ADARB2: variants seen among roughly 807,000 people sequenced by gnomAD.
ADARB2 encodes inactive double-stranded RNA-specific editase B2.
A neutral mutation model predicts 62.2 loss-of-function variants in ADARB2; 25 were observed. The ratio of observed to expected loss-of-function variants is 0.40; its 90% CI spans 0.29 to 0.56. The LOEUF (loss-of-function observed/expected upper bound fraction) is 0.56, where lower values mean the gene tolerates loss of function less well. Ranked by LOEUF, ADARB2 falls within the 20% of genes least tolerant of loss-of-function variation. The pLI is 0.43. For missense variants in ADARB2, 1,071 were observed against 1,077.4 expected (o/e 0.99, Z 0.08); for synonymous variants, 572 against 500.8 (o/e 1.14, Z -1.90).
chr10:1,204,557 G>A (rs931696242), intron 7 of ADARB2, among the ~76,000 whole-genome samples: 4 of 152,248 alleles, frequency 2.6e-5, no homozygotes, highest in Admixed American at 1.3e-4. Context: ...AGGGCCAGGA[G>A]GCCACAGCTG....
chr10:1,199,749 C>G (rs1321517111), intron 8 of ADARB2: 2 of 492,104 alleles, frequency 4.1e-6, no homozygotes, highest in East Asian at 3.3e-5. Flanking sequence ...ATCACACAAT[C>G]ACGAATTCAC....
intron 1 of ADARB2, among the ~76,000 whole-genome samples, chr10:1,414,867 G>C (rs187511852): frequency 9.8e-5 from 15 of 152,360 alleles, no homozygotes; most frequent in African/African-American, 3.4e-4. Context: ...ATGGGGGCTG[G>C]ATGAGTGGCT....
At chr10:1,213,117 G>C (rs949630398) in intron 7 of ADARB2, among the ~76,000 whole-genome samples, 2 of 152,130 alleles carry the variant, frequency 1.3e-5, no homozygotes, top group Admixed American at 1.3e-4. Flanking sequence ...CACACAGCCA[G>C]GGAGGAGGAT....
intron 1 of ADARB2, among the ~76,000 whole-genome samples, chr10:1,579,915 C>CGCTCACCT (rs1389072765): frequency 6.6e-6 from 1 of 152,154 alleles, no homozygotes; most frequent in African/African-American, 2.4e-5. Flanking sequence ...CTCTAGCAGC[C>CGCTCACCT]GCTCACCTTT....
chr10:1,241,461 C>T (rs373462530), intron 5 of ADARB2, among the ~76,000 whole-genome samples: 1 of 152,184 alleles, frequency 6.6e-6, no homozygotes, highest in African/African-American at 2.4e-5. Context: ...GAGTAGACAG[C>T]AGACACAGGA....
At chr10:1,206,456 C>T (rs1837067731) in intron 7 of ADARB2, among the ~76,000 whole-genome samples, 1 of 150,446 alleles carries the variant, frequency 6.6e-6, no homozygotes, top group African/African-American at 2.4e-5. Context: ...GGCGTCTCCT[C>T]CTCGTGCCTG....
chr10:1,488,626 A>T (rs923119749), intron 1 of ADARB2, among the ~76,000 whole-genome samples: 4 of 152,184 alleles, frequency 2.6e-5, no homozygotes, highest in Non-Finnish European at 5.9e-5. Context: ...GAAATAGCCT[A>T]ACACTGGGGA....
intron 1 of ADARB2, among the ~76,000 whole-genome samples, chr10:1,468,672 C>T (rs544272027): frequency 6.6e-6 from 1 of 152,196 alleles, no homozygotes; most frequent in African/African-American, 2.4e-5. Context: ...CAAGCAGCAG[C>T]GCTGTCCAAC....
chr10:1,369,145 G>C (rs10794744), intron 2 of ADARB2, among the ~76,000 whole-genome samples: 126,342 of 152,144 alleles, frequency 0.83, 56,551 homozygotes, highest in Non-Finnish European at 0.98. Context: ...AAATGTGTTA[G>C]ACTCCCCTCC....
intron 1 of ADARB2, among the ~76,000 whole-genome samples, chr10:1,420,611 GGAAA>G (rs796616109): frequency 9.1e-5 from 11 of 121,134 alleles, no homozygotes; most frequent in Admixed American, 2.5e-4. Context: ...CCAGAAAGAG[GGAAA>G]AAAAAAAAAA....
chr10:1,654,472 C>T (rs1834150621), intron 1 of ADARB2, among the ~76,000 whole-genome samples: 1 of 152,300 alleles, frequency 6.6e-6, no homozygotes, highest in Admixed American at 6.5e-5. Flanking sequence ...CTGAAATCCC[C>T]TTCCGGCGTG....
In ADARB2 at chr10:1,183,361, T is replaced by A. The variant is rs2131732750; in HGVS notation, c.2052A>T (p.Thr684=). The part of the protein sequence containing the change: ...RWARLYGRLS[T]RTPSPGDTPS... ...GCGTGTCTCCAGGGCTGGGTGTCCG[T>A]GTGCTCAGCTGCGGACAAGAAGGAG... Residue 684 remains threonine, a synonymous_variant, in exon 10 of 10, where the codon ACA becomes ACT. Coordinates refer to ENST00000381312, the MANE Select transcript of ADARB2 (RefSeq NM_018702.4). 2 of 1,610,388 alleles carry A rather than the reference T, an allele frequency of 1.2e-6. No individual in the cohort carries two copies. The highest frequency in any genetic ancestry group is 1.7e-6 in the Non-Finnish European group (2 of 1,176,884).
intron 1 of ADARB2, among the ~76,000 whole-genome samples, chr10:1,577,010 A>C (rs1458052921): frequency 2.0e-5 from 3 of 152,264 alleles, no homozygotes; most frequent in South Asian, 2.1e-4. Context: ...CAGCAGGTGC[A>C]GTGGTTGCTG....
rs1427297281 is a variant in ADARB2 at position 1,477,692 on chromosome 10, G to A, written c.101-98532C>T. ...TCAGCCTGTGCGCCTCTTTCCAGAC[G>A]ATAGGCGGGGTGCTTAATTTTCAGA... On this transcript the variant is annotated intron_variant, in intron 1 of 9. Coordinates refer to ENST00000381312, the MANE Select transcript of ADARB2 (RefSeq NM_018702.4). The surrounding 1 kb of genome is among the most constrained non-coding windows in gnomAD (Gnocchi z 4.5). Among the ~76,000 whole-genome samples the A allele has an allele frequency of 2.0e-5, 3 of 152,302 alleles. No homozygotes were observed. Among genetic ancestry groups the A allele is most frequent in the Admixed American group, 1.3e-4 (2 of 15,302 alleles).
At chr10:1,687,894 C>T (rs7908733) in intron 1 of ADARB2, among the ~76,000 whole-genome samples, 79,933 of 151,976 alleles carry the variant, frequency 0.53, 21,011 homozygotes, top group Middle Eastern at 0.56. Context: ...GTTGCCAGTG[C>T]GTATACAGTG....
In ADARB2 at chr10:1,513,694, T is replaced by C. The variant is rs568898250; in HGVS notation, c.101-134534A>G. On this transcript the variant is annotated intron_variant, in intron 1 of 9. Transcript: ENST00000381312. ...TGCATGCTCAGAAGCTCAGCGCCTG[T>C]GTGGAGGGACTCAGTGTCAGGAACA... is the stretch of plus-strand genomic sequence containing the variant. Among the ~76,000 whole-genome samples the C allele has an allele frequency of 7.4e-4, 112 of 152,240 alleles. No individual in the cohort carries two copies. In the South Asian group the frequency reaches 0.023, roughly 31 times the overall value.
intron 3 of ADARB2, among the ~76,000 whole-genome samples, chr10:1,312,784 A>G (rs888132911): frequency 2.6e-5 from 4 of 152,212 alleles, no homozygotes; most frequent in African/African-American, 7.2e-5. Context: ...TGTCACTGCC[A>G]TGCTGCACAC....
chr10:1,517,025 G>A (rs1178501573), intron 1 of ADARB2, among the ~76,000 whole-genome samples: 4 of 152,232 alleles, frequency 2.6e-5, no homozygotes, highest in Non-Finnish European at 5.9e-5. Flanking sequence ...ACTTGCTGTG[G>A]GAGGAACATT....
At chr10:1,627,199 G>A (rs954512068) in intron 1 of ADARB2, among the ~76,000 whole-genome samples, 1 of 152,084 alleles carries the variant, frequency 6.6e-6, no homozygotes, top group Middle Eastern at 3.4e-3. Flanking sequence ...TGCACAAGAA[G>A]GGGCTTGACG....
Sources: allele counts gnomAD v4.1 joint callset (sites outside exome capture counted in the v4.1 genomes callset), GRCh38; gene constraint gnomAD v4.1.1; non-coding constraint Gnocchi (gnomAD v3.1); transcripts MANE v1.5; gene names NCBI Gene and HGNC (gene_info 2026-07-23, HGNC 2026-07-21).